The following ART4 variants were observed in gnomAD, a reference collection of about 807,000 sequenced individuals.
ART4 encodes ecto-ADP-ribosyltransferase 4.
In ART4, 14 loss-of-function variants were observed where a neutral mutation model predicts 24.2. The observed-to-expected ratio is 0.58, with a 90% CI of 0.38 to 0.90. ART4 has a LOEUF of 0.90. Ranked by LOEUF, ART4 falls within the 40% of genes least tolerant of loss-of-function variation. The pLI, the probability that ART4 is intolerant of heterozygous loss-of-function variation, is 0.00. For synonymous variants in ART4, 145 were observed against 139.9 expected (o/e 1.04, Z -0.26); for missense variants, 356 against 366.6 (o/e 0.97, Z 0.24).
rs746344995 is a variant in ART4 at position 14,842,935 on chromosome 12, T to C, written c.144+35A>G. ...GGTGAATGCTCTGTTGGAGCACTGA[T>C]CATAAAGAGATCACCCCCTCAATTG... On this transcript the variant is annotated intron_variant, in intron 1 of 2. Transcript: ENST00000228936. 15 of 1,592,014 alleles carry C rather than the reference T, an allele frequency of 9.4e-6. No homozygotes were observed. In the East Asian group the frequency reaches 2.3e-4, roughly 24 times the overall value.
intron 2 of ART4, among the ~76,000 whole-genome samples, chr12:14,835,926 A>G (rs576167755): frequency 6.6e-6 from 1 of 152,246 alleles, no homozygotes; most frequent in African/African-American, 2.4e-5. Flanking sequence ...TTTTTAAATC[A>G]TAAGAGATAG....
chr12:14,832,226 A>G (rs1441651647), intron 2 of ART4, among the ~76,000 whole-genome samples: 8 of 152,220 alleles, frequency 5.3e-5, no homozygotes, highest in African/African-American at 1.9e-4. Flanking sequence ...GATCGAATCT[A>G]CATCATCTTC....
At chr12:14,830,530 T>A in intron 2 of ART4, among the ~76,000 whole-genome samples, 1 of 90,784 alleles carries the variant, frequency 1.1e-5, no homozygotes, top group South Asian at 4.2e-4. Flanking sequence ...GGAATTTCTA[T>A]ATAGGAGTGT....
In ART4 at chr12:14,828,569, T is replaced by G. The variant is rs1950373612; in HGVS notation, c.*802A>C. The G allele has an allele frequency of 6.6e-6, 1 of 152,116 alleles. No homozygotes were observed. Among genetic ancestry groups the G allele is most frequent in the African/African-American group, 2.4e-5 (1 of 41,400 alleles). The allele number at this position is 152,116 out of a possible 1,614,324, so 9.4% of individuals were successfully genotyped here. On this transcript the variant is annotated 3_prime_UTR_variant, in exon 3 of 3. Transcript: ENST00000228936. Reference sequence around the variant, plus strand: ...TTTCTGTTTGGTGAAGAATTTGTCCTTTGCTTTCTAATTTAATCTTCTTTG... The same window carrying G: ...TTTCTGTTTGGTGAAGAATTTGTCCGTTGCTTTCTAATTTAATCTTCTTTG...
intron 2 of ART4, among the ~76,000 whole-genome samples, chr12:14,832,446 G>A (rs954276502): frequency 1.3e-5 from 2 of 151,944 alleles, no homozygotes; most frequent in Non-Finnish European, 2.9e-5. Flanking sequence ...GTTTAATATT[G>A]CCACTCCTTC....
rs1408126192 is a variant in ART4, at chr12:14,828,830, T to C, written c.*541A>G. On this transcript the variant is annotated 3_prime_UTR_variant, in exon 3 of 3. Transcript: ENST00000228936. ...TCAGTTTCTTTTCACTTATCAGCTCTTCCTTTGTTGTGTTAGATCCTTTCT... is the reference window on the plus strand; with the variant it reads ...TCAGTTTCTTTTCACTTATCAGCTCCTCCTTTGTTGTGTTAGATCCTTTCT... 6.6e-6 allele frequency: 1 copy of C among 152,318 alleles called. No individual in the cohort carries two copies. Among genetic ancestry groups the C allele is most frequent in the Non-Finnish European group, 1.5e-5 (1 of 68,126 alleles). 9.4% of individuals were successfully genotyped at this position (152,318 alleles called of 1,614,324 possible). A position where few individuals can be genotyped will look rare whatever the true frequency, so the allele number is the denominator to read the frequency against.
Position 14,826,321 on chromosome 12 carries a change from ACAG to A in ART4, c.*3047_*3049del, listed in dbSNP as rs1293446768. ...TGTCTCCAGAGATTTGATCTGTAAA[ACAG>A]CAGCAGGAGTTAGAACTAAGTTATC... On this transcript the variant is annotated 3_prime_UTR_variant, in exon 3 of 3. Coordinates refer to ENST00000228936, the MANE Select transcript of ART4 (RefSeq NM_021071.4). 2 of 152,222 alleles carry A rather than the reference ACAG, an allele frequency of 1.3e-5. No individual in the cohort carries two copies. The highest frequency in any genetic ancestry group is 4.8e-5 in the African/African-American group (2 of 41,450). 9.4% of individuals were successfully genotyped at this position (152,222 alleles called of 1,614,324 possible). A position where few individuals can be genotyped will look rare whatever the true frequency, so the allele number is the denominator to read the frequency against.
chr12:14,835,722 C>T (rs531851333), intron 2 of ART4, among the ~76,000 whole-genome samples: 2 of 152,060 alleles, frequency 1.3e-5, no homozygotes, highest in African/African-American at 4.8e-5. Flanking sequence ...TCTACTGCCT[C>T]AGCCTCCTGA....
chr12:14,840,777 CTG>C lies in ART4; in HGVS notation c.519_520del (p.Asp173GlufsTer11). ...GCACAGAGTGCCATTCTCCATGATG[CTG>C]TCTTTCCTCAGCAGCTGGATTGCTG... is the stretch of plus-strand genomic sequence containing the variant. On this transcript the variant is annotated frameshift_variant, in exon 2 of 3. Transcript: ENST00000228936. LOFTEE classifies it high-confidence loss of function. The C allele has an allele frequency of 1.2e-6, 2 of 1,614,166 alleles. No homozygotes were observed. Among genetic ancestry groups the C allele is most frequent in the Non-Finnish European group, 1.7e-6 (2 of 1,180,038 alleles).
chr12:14,838,845 C>T (rs1950447072), intron 2 of ART4, among the ~76,000 whole-genome samples: 1 of 151,210 alleles, frequency 6.6e-6, no homozygotes, highest in South Asian at 2.1e-4. Flanking sequence ...AAGGTAGACC[C>T]TGCAACTGGG....
chr12:14,825,732 C>T lies in ART4; in HGVS notation c.*3639G>A, dbSNP rs887709460. The T allele has an allele frequency of 6.6e-6, 1 of 152,078 alleles. No individual in the cohort carries two copies. Among genetic ancestry groups the T allele is most frequent in the East Asian group, 1.9e-4 (1 of 5,200 alleles). The allele number at this position is 152,078 out of a possible 1,614,324, so 9.4% of individuals were successfully genotyped here. ...ACAACTCAGTACAAGAATCCTGATT[C>T]TTCTAGCAAAACAAACTTTACTGAA... On this transcript the variant is annotated 3_prime_UTR_variant, in exon 3 of 3. Coordinates refer to ENST00000228936, the MANE Select transcript of ART4 (RefSeq NM_021071.4).
chr12:14,830,536 AGTGT>A (rs55694373), intron 2 of ART4, among the ~76,000 whole-genome samples: 31,850 of 123,946 alleles, frequency 0.26, 4,607 homozygotes, highest in Admixed American at 0.39. Flanking sequence ...TCTATATAGG[AGTGT>A]GTGTGTGTGT....
chr12:14,829,452 C>G lies in ART4; in HGVS notation c.864G>C (p.Lys288Asn), dbSNP rs756209048. 8.1e-6 allele frequency: 13 copies of G among 1,606,384 alleles called. No homozygotes were observed. The Admixed American group carries it at 1.0e-4, about 13-fold the overall frequency. The change falls in exon 3 of 3, where the codon AAG becomes AAC. Residue 288 changes from lysine (K) to asparagine (N), a missense_variant. Lys to Asn is a moderately conservative substitution (Grantham distance 94). Coordinates refer to ENST00000228936, the MANE Select transcript of ART4 (RefSeq NM_021071.4). Reference protein sequence around the residue: ...YNCQLLKASSKKCIPDPIAIA... With the variant: ...YNCQLLKASSNKCIPDPIAIA... ...TAGCTATAGGATCAGGGATGCATTTCTTGCTGGAAGCTGTAAAAAACAAAA... is the reference window on the plus strand; with the variant it reads ...TAGCTATAGGATCAGGGATGCATTTGTTGCTGGAAGCTGTAAAAAACAAAA...
chr12:14,842,351 A>G (rs966496951), intron 1 of ART4, among the ~76,000 whole-genome samples: 15 of 152,200 alleles, frequency 9.9e-5, no homozygotes, highest in Admixed American at 8.5e-4. Context: ...GTTATTTATG[A>G]TGAGACGTCA....
chr12:14,840,870 A>T lies in ART4; in HGVS notation c.428T>A (p.Val143Asp). The change falls in exon 2 of 3, where the codon GTT (valine) becomes GAT (aspartate). Residue 143 changes from valine (V) to aspartate (D), a missense_variant. Transcript: ENST00000228936. ...HSDFTRAMASVARTPQQYERS... is the reference protein window; with the variant it reads ...HSDFTRAMASDARTPQQYERS... ...TTCATACTGCTGTGGAGTCCTGGCA[A>T]CAGAGGCCATGGCTCTAGTAAAGTC... is the stretch of plus-strand genomic sequence containing the variant. 1 of 1,614,214 alleles carries T rather than the reference A, an allele frequency of 6.2e-7. No individual in the cohort carries two copies. Among genetic ancestry groups the T allele is most frequent in the Non-Finnish European group, 8.5e-7 (1 of 1,180,030 alleles).
rs928407399 is a variant in ART4 at position 14,843,373 on chromosome 12, G to C, written c.-260C>G. The C allele has an allele frequency of 1.2e-5, 4 of 347,294 alleles. No individual in the cohort carries two copies. The highest frequency in any genetic ancestry group is 8.4e-5 in the African/African-American group (4 of 47,488). The allele number at this position is 347,294 out of a possible 1,614,324, so 21.5% of individuals were successfully genotyped here. On this transcript the variant is annotated 5_prime_UTR_variant, in exon 1 of 3. Transcript: ENST00000228936. ...ATAAGGGTTTCTAAAGAGAACCCAAGTTACTTTTCAATTAAAAAAATAAAA... is the reference window on the plus strand; with the variant it reads ...ATAAGGGTTTCTAAAGAGAACCCAACTTACTTTTCAATTAAAAAAATAAAA...
At chr12:14,834,813 A>G (rs1364578347) in intron 2 of ART4, among the ~76,000 whole-genome samples, 1 of 152,224 alleles carries the variant, frequency 6.6e-6, no homozygotes, top group African/African-American at 2.4e-5. Context: ...ATAATTAGAG[A>G]GGAAAGCTGT....
At position 14,826,287 on chromosome 12, in the gene ART4, A is replaced by G. The variant is rs1950359339; in HGVS notation, c.*3084T>C. The G allele has an allele frequency of 6.6e-6, 1 of 152,222 alleles. No individual in the cohort carries two copies. The highest frequency in any genetic ancestry group is 1.5e-5 in the Non-Finnish European group (1 of 68,034). The allele number at this position is 152,222 out of a possible 1,614,324, so 9.4% of individuals were successfully genotyped here. On this transcript the variant is annotated 3_prime_UTR_variant, in exon 3 of 3. Transcript: ENST00000228936. Reference sequence around the variant, plus strand: ...TCATGAATCTACATAATTTTAAGAGAATAGTTTCTGTCTCCAGAGATTTGA... The same window carrying G: ...TCATGAATCTACATAATTTTAAGAGGATAGTTTCTGTCTCCAGAGATTTGA...
At position 14,827,135 on chromosome 12, in the gene ART4, A is replaced by C. The variant is rs1950364402; in HGVS notation, c.*2236T>G. 1 of 151,642 alleles carries C rather than the reference A, an allele frequency of 6.6e-6. No homozygotes were observed. The highest frequency in any genetic ancestry group is 6.6e-5 in the Admixed American group (1 of 15,210). 9.4% of individuals were successfully genotyped at this position (151,642 alleles called of 1,614,324 possible). On this transcript the variant is annotated 3_prime_UTR_variant, in exon 3 of 3. Transcript: ENST00000228936. The stretch of plus-strand genomic sequence containing the variant: ...CTAAGAGATTGTAAACTCATGAGAG[A>C]TCTGGCCTAGTGTTCTTAACTTTTA...
Sources: allele counts gnomAD v4.1 joint callset (sites outside exome capture counted in the v4.1 genomes callset), GRCh38; gene constraint gnomAD v4.1.1; transcripts MANE v1.5; gene names NCBI Gene and HGNC (gene_info 2026-07-23, HGNC 2026-07-21).